The following ZNF622 variants were observed in gnomAD, a reference collection of about 807,000 sequenced individuals.
ZNF622 encodes zinc finger protein 622, also known as cytoplasmic 60S subunit biogenesis factor ZNF622.
ZNF622 carries 34 observed loss-of-function variants against 49.7 expected under a neutral mutation model. The ratio of observed to expected loss-of-function variants is 0.68; its 90% CI spans 0.52 to 0.91. The LOEUF (loss-of-function observed/expected upper bound fraction) is 0.91. ZNF622 is among the 40% of genes least tolerant of loss of function. The pLI, the probability that ZNF622 is intolerant of heterozygous loss-of-function variation, is 0.00. For synonymous variants in ZNF622, 209 were observed against 228.7 expected (o/e 0.91, Z 0.78); for missense variants, 569 against 616.4 (o/e 0.92, Z 0.81).
At chr5:16,453,574 T>A (rs1579561315) in intron 4 of ZNF622, among the ~76,000 whole-genome samples, 3 of 47,308 alleles carry the variant, frequency 6.3e-5, no homozygotes, top group South Asian at 8.4e-4. Context: ...TATATATATA[T>A]ATATATATAT....
At chr5:16,456,550 G>A (rs777021630) in intron 4 of ZNF622, among the ~76,000 whole-genome samples, 5 of 152,188 alleles carry the variant, frequency 3.3e-5, no homozygotes, top group Non-Finnish European at 7.3e-5. Flanking sequence ...GACAGAAGAT[G>A]AGTTCAGGAA....
At position 16,458,715 on chromosome 5, in the gene ZNF622, T is replaced by C. The variant is rs571515399; in HGVS notation, c.1050-86A>G. The C allele has an allele frequency of 7.4e-6, 7 of 943,330 alleles. No homozygotes were observed. The East Asian group carries it at 1.5e-4, about 21-fold the overall frequency. 58.4% of individuals were successfully genotyped at this position (943,330 alleles called of 1,614,324 possible). ...AAACTCATTTGCAAATGTGGCAAAC[T>C]TCCTAAGCTACCTAAAAGGGAGAGG... On this transcript the variant is annotated intron_variant, in intron 3 of 5. Transcript: ENST00000308683.
chr5:16,454,498 A>AAC (rs1426954144), intron 4 of ZNF622, among the ~76,000 whole-genome samples: 1 of 151,174 alleles, frequency 6.6e-6, no homozygotes, highest in African/African-American at 2.4e-5. Flanking sequence ...CAAAAAAAAA[A>AAC]AAAAAAAAAA....
chr5:16,457,321 GA>G (rs1257292142), intron 4 of ZNF622, among the ~76,000 whole-genome samples: 1 of 152,108 alleles, frequency 6.6e-6, no homozygotes, highest in Non-Finnish European at 1.5e-5. Flanking sequence ...AGAAGCTAAG[GA>G]GACAACAAGT....
chr5:16,464,202 A>G (rs1377533000), intron 1 of ZNF622, among the ~76,000 whole-genome samples: 1 of 148,972 alleles, frequency 6.7e-6, no homozygotes, highest in Non-Finnish European at 1.5e-5. Context: ...TTAATCATCA[A>G]TGAAATGGCA....
In ZNF622 at chr5:16,465,426, G is replaced by T. The variant is rs747661029; in HGVS notation, c.240C>A (p.Asn80Lys). The change falls in exon 1 of 6, where the codon AAC (asparagine) becomes AAA (lysine). Residue 80 changes from asparagine to lysine, a missense_variant. Coordinates refer to ENST00000308683, the MANE Select transcript of ZNF622 (RefSeq NM_033414.3). The surrounding 1 kb of genome is among the most constrained non-coding windows in gnomAD (Gnocchi z 6.2). Reference protein sequence around the residue: ...TVCSKKFASFNAYENHLKSRR... With the variant: ...TVCSKKFASFKAYENHLKSRR... ...GGGACTTGAGGTGGTTCTCGTAGGC[G>T]TTGAAAGAGGCAAACTTCTTACTGC... 6.2e-7 allele frequency: 1 copy of T among 1,614,242 alleles called. No individual in the cohort carries two copies. Among genetic ancestry groups the T allele is most frequent in the Non-Finnish European group, 8.5e-7 (1 of 1,180,044 alleles).
chr5:16,465,145 C>G lies in ZNF622; in HGVS notation c.521G>C (p.Ser174Thr), dbSNP rs1186972551. 1 of 1,614,096 alleles carries G rather than the reference C, an allele frequency of 6.2e-7. No homozygotes were observed. The highest frequency in any genetic ancestry group is 1.3e-5 in the African/African-American group (1 of 74,944). ...GGRGTHDRDP[S>T]EKPPRLQWFE... ...CCACTGGAGCCGGGGTGGTTTCTCA[C>G]TCGGGTCTCGGTCGTGGGTCCCACG... Residue 174 changes from serine to threonine, a missense_variant, in exon 1 of 6, where the codon AGT becomes ACT. Transcript: ENST00000308683. This position sits in a 1 kb window ranked among gnomAD's most constrained non-coding sequence, Gnocchi z 6.2.
At chr5:16,464,934 C>T (rs1738187945) in intron 1 of ZNF622, 107 bp downstream of exon 1, 3 of 1,467,896 alleles carry the variant, frequency 2.0e-6, no homozygotes, top group Non-Finnish European at 2.7e-6. Context: ...ATCATTTTTA[C>T]TTAAAAGCTC....
At position 16,453,170 on chromosome 5, in the gene ZNF622, G is replaced by A; in HGVS notation, c.1163-14C>T. ...CCACTCTGGCACCTGTTTTTCAAAA[G>A]AGCAATACTGAAACACTGAGTTGGA... is the stretch of plus-strand genomic sequence containing the variant. On this transcript the variant is annotated splice_polypyrimidine_tract_variant and intron_variant, in intron 4 of 5. Transcript: ENST00000308683. The A allele has an allele frequency of 6.7e-7, 1 of 1,489,164 alleles. No homozygotes were observed. The highest frequency in any genetic ancestry group is 9.0e-7 in the Non-Finnish European group (1 of 1,109,326). The allele number at this position is 1,489,164 out of a possible 1,614,324, so 92.2% of individuals were successfully genotyped here.
chr5:16,456,308 T>C (rs1738023115), intron 4 of ZNF622, among the ~76,000 whole-genome samples: 1 of 152,102 alleles, frequency 6.6e-6, no homozygotes, highest in African/African-American at 2.4e-5. Context: ...TGACATCCAA[T>C]TGAATGGGCC....
intron 4 of ZNF622, among the ~76,000 whole-genome samples, chr5:16,457,137 C>A (rs1738039334): frequency 6.6e-6 from 1 of 152,248 alleles, no homozygotes; most frequent in African/African-American, 2.4e-5. Context: ...TCCTAGATTT[C>A]TTGAATAGAT....
rs1579566510 is a variant in ZNF622 at position 16,463,420 on chromosome 5, T to G, written c.886+62A>C. 1 of 1,539,772 alleles carries G rather than the reference T, an allele frequency of 6.5e-7. No individual in the cohort carries two copies. The highest frequency in any genetic ancestry group is 2.3e-5 in the East Asian group (1 of 44,340). On this transcript the variant is annotated intron_variant, in intron 2 of 5. Coordinates refer to ENST00000308683, the MANE Select transcript of ZNF622 (RefSeq NM_033414.3). The surrounding 1 kb of genome is among the most constrained non-coding windows in gnomAD (Gnocchi z 4.2). The stretch of plus-strand genomic sequence containing the variant: ...TGAAAAATGCAAAACTAATGTTCCC[T>G]TGAGACCAGTCCCCCAATAATGTGA...
chr5:16,455,317 C>G (rs899288848), intron 4 of ZNF622, among the ~76,000 whole-genome samples: 2 of 152,156 alleles, frequency 1.3e-5, no homozygotes, highest in Non-Finnish European at 2.9e-5. Flanking sequence ...TTTCAATTTG[C>G]ATAAGAAAAT....
At chr5:16,453,414 G>A (rs1737965743) in intron 4 of ZNF622, among the ~76,000 whole-genome samples, 1 of 151,514 alleles carries the variant, frequency 6.6e-6, no homozygotes, top group Non-Finnish European at 1.5e-5. Flanking sequence ...ACAAGTCACT[G>A]TTAAGTGAAA....
At chr5:16,456,411 A>G (rs1738024524) in intron 4 of ZNF622, among the ~76,000 whole-genome samples, 1 of 152,222 alleles carries the variant, frequency 6.6e-6, no homozygotes, top group African/African-American at 2.4e-5. Context: ...AAATGCTCAC[A>G]GTGCCCTCTA....
At position 16,465,750 on chromosome 5, in the gene ZNF622, C is replaced by T; in HGVS notation, c.-85G>A. The T allele has an allele frequency of 5.3e-6, 8 of 1,497,880 alleles. No individual in the cohort carries two copies. Among genetic ancestry groups the T allele is most frequent in the Non-Finnish European group, 7.1e-6 (8 of 1,122,496 alleles). The allele number at this position is 1,497,880 out of a possible 1,614,324, so 92.8% of individuals were successfully genotyped here. A position where few individuals can be genotyped will look rare whatever the true frequency, so the allele number is the denominator to read the frequency against. ...CACAAGACCCTCAGACCTTAACCCG[C>T]CTCAGCAGCCAGGAAGAGCCACTCG... On this transcript the variant is annotated 5_prime_UTR_variant, in exon 1 of 6. Transcript: ENST00000308683. This position sits in a 1 kb window ranked among gnomAD's most constrained non-coding sequence, Gnocchi z 6.2.
chr5:16,452,926 G>C (rs963401725), intron 5 of ZNF622, 87 bp downstream of exon 5: 1 of 1,294,360 alleles, frequency 7.7e-7, no homozygotes, highest in Non-Finnish European at 1.0e-6. Context: ...AATCCACATG[G>C]ACAACATAAA....
At chr5:16,464,698 G>A (rs547735209) in intron 1 of ZNF622, among the ~76,000 whole-genome samples, 1 of 152,244 alleles carries the variant, frequency 6.6e-6, no homozygotes, top group East Asian at 1.9e-4. Context: ...CACTAGAATC[G>A]CAAATTACAC....
intron 1 of ZNF622, 148 bp downstream of exon 1, chr5:16,464,893 A>C: frequency 8.5e-7 from 1 of 1,182,420 alleles, no homozygotes; most frequent in Non-Finnish European, 1.2e-6. Flanking sequence ...CAGATAAGGC[A>C]CTTCAGAAAG....
Sources: gnomAD v4.1 joint callset for allele counts (sites outside exome capture counted in the v4.1 genomes callset) on GRCh38, gnomAD v4.1.1 for gene constraint, Gnocchi (gnomAD v3.1) non-coding constraint, MANE v1.5 for transcripts, NCBI Gene and HGNC (gene_info 2026-07-23, HGNC 2026-07-21) for gene names.